The following CTSL variants were observed in gnomAD, a reference collection of about 807,000 sequenced individuals.
CTSL encodes cathepsin L.
CTSL carries 23 observed loss-of-function variants against 34.7 expected under a neutral mutation model. The observed-to-expected ratio is 0.66, with a 90% confidence interval of 0.48 to 0.94. The LOEUF is 0.94. Ranked by LOEUF, CTSL falls within the 40% of genes least tolerant of loss-of-function variation. The pLI is 0.00. For synonymous variants in CTSL, 129 were observed against 136.7 expected, an observed-to-expected ratio of 0.94 and a Z score of 0.39; for missense variants, 361 against 406.3, an observed-to-expected ratio of 0.89 and a Z score of 0.96.
intron 6 of CTSL, 44 bp downstream of exon 6, chr9:87,729,779 A>G (rs1308831660): frequency 6.4e-7 from 1 of 1,565,758 alleles, no homozygotes; most frequent in East Asian, 2.2e-5. Context: ...GAAAAAGAGT[A>G]TCATGACATA....
chr9:87,730,130 A>G (rs937094100), intron 6 of CTSL, among the ~76,000 whole-genome samples: 6 of 152,212 alleles, frequency 3.9e-5, no homozygotes, highest in Non-Finnish European at 7.3e-5. Context: ...TAGAATTACA[A>G]GCTTACAAAG....
intron 7 of CTSL, 109 bp downstream of exon 7, chr9:87,730,607 C>T: frequency 1.4e-6 from 1 of 722,830 alleles, no homozygotes; most frequent in East Asian, 2.7e-5. Context: ...CTGAAATCCC[C>T]AGAAGTCTAA....
intron 1 of CTSL, among the ~76,000 whole-genome samples, 181 bp from the exon 2 acceptor site, chr9:87,727,413 C>T (rs1365427963): frequency 6.6e-6 from 1 of 152,200 alleles, no homozygotes; most frequent in Non-Finnish European, 1.5e-5. Flanking sequence ...CATCCAGTAC[C>T]TCCACGTGCC....
At chr9:87,727,535 C>A in intron 1 of CTSL, 59 bp from the exon 2 acceptor site, 2 of 1,542,792 alleles carry the variant, frequency 1.3e-6, no homozygotes, top group Non-Finnish European at 8.9e-7. Flanking sequence ...TTTCAGGGGG[C>A]AGTAAGATGG....
chr9:87,729,585 A>C lies in CTSL; in HGVS notation c.634A>C (p.Lys212Gln). ...TTACCTTTGAAAGGAAGAATCCTGT[A>C]AGTACAATCCCAAGTATTCTGTTGC... Reference protein sequence around the residue: ...YPYEATEESCKYNPKYSVAND... With the variant: ...YPYEATEESCQYNPKYSVAND... The change falls in exon 6 of 8, where the codon AAG (lysine) becomes CAG (glutamine). Residue 212 changes from lysine (K) to glutamine (Q), a missense_variant. Physicochemically the swap from Lys to Gln is moderately conservative, Grantham distance 53 (BLOSUM62 1). Transcript: ENST00000343150. 1.2e-6 allele frequency: 2 copies of C among 1,613,846 alleles called. No individual in the cohort carries two copies. Among genetic ancestry groups the C allele is most frequent in the South Asian group, 2.2e-5 (2 of 90,930 alleles).
chr9:87,726,443 G>C (rs894869874), intron 1 of CTSL, 45 bp downstream of exon 1: 1 of 152,396 alleles, frequency 6.6e-6, no homozygotes, highest in African/African-American at 2.4e-5. Flanking sequence ...GCCTGGCCCG[G>C]CCAGACAGGG....
rs367546022 is a variant in CTSL at position 87,728,088 on chromosome 9, A to G, written c.188A>G (p.Asn63Ser). ...AACATGAAGATGATTGAACTGCACAATCAGGAATACAGGGAAGGGAAACAC... is the reference window on the plus strand; with the variant it reads ...AACATGAAGATGATTGAACTGCACAGTCAGGAATACAGGGAAGGGAAACAC... ...EKNMKMIELH[N>S]QEYREGKHSF... is the part of the protein sequence containing the mutation. The change falls in exon 3 of 8, where the codon AAT (asparagine) becomes AGT (serine). Residue 63 changes from asparagine to serine, a missense_variant. Transcript: ENST00000343150. 38 of 1,613,958 alleles carry G rather than the reference A, an allele frequency of 2.4e-5. No individual in the cohort carries two copies. Among genetic ancestry groups the G allele is most frequent in the Non-Finnish European group, 3.1e-5 (36 of 1,179,942 alleles).
In CTSL at chr9:87,727,658, C is replaced by CT. The variant is rs1476701681; in HGVS notation, c.56dup (p.Thr20AsnfsTer3). 6 of 1,613,950 alleles carry CT rather than the reference C, an allele frequency of 3.7e-6. No homozygotes were observed. The highest frequency in any genetic ancestry group is 4.5e-5 in the East Asian group (2 of 44,884). On this transcript the variant is annotated frameshift_variant, in exon 2 of 8. Coordinates refer to ENST00000343150, the MANE Select transcript of CTSL (RefSeq NM_001912.5). LOFTEE classifies it high-confidence loss of function. Reference sequence around the variant, plus strand: ...TTGCCTGGGAATTGCCTCAGCTACTCTAACATTTGATCACAGTTTAGAGGC... The same window carrying CT: ...TTGCCTGGGAATTGCCTCAGCTACTCTTAACATTTGATCACAGTTTAGAGGC...
chr9:87,728,779 C>T lies in CTSL; in HGVS notation c.591C>T (p.Asp197=). The change falls in exon 5 of 8, where the codon GAC becomes GAT. Residue 197 remains aspartate (D), a synonymous_variant. Coordinates refer to ENST00000343150, the MANE Select transcript of CTSL (RefSeq NM_001912.5). ...FQYVQDNGGL[D]SEESYPYEAT... is the part of the protein sequence containing the mutation. Reference sequence around the variant, plus strand: ...ATGTTCAGGATAATGGAGGCCTGGACTCTGAGGAATCCTATCCATATGAGG... The same window carrying T: ...ATGTTCAGGATAATGGAGGCCTGGATTCTGAGGAATCCTATCCATATGAGG... 1.2e-6 allele frequency: 2 copies of T among 1,614,188 alleles called. No individual in the cohort carries two copies. The highest frequency in any genetic ancestry group is 1.7e-6 in the Non-Finnish European group (2 of 1,180,052).
intron 1 of CTSL, among the ~76,000 whole-genome samples, 172 bp from the exon 2 acceptor site, chr9:87,727,422 C>T (rs1232896571): frequency 1.3e-5 from 2 of 152,166 alleles, no homozygotes; most frequent in South Asian, 2.1e-4. Flanking sequence ...CCTCCACGTG[C>T]CCTGTTTTTC....
intron 2 of CTSL, 134 bp from the exon 3 acceptor site, chr9:87,727,893 G>C: frequency 7.0e-7 from 1 of 1,434,032 alleles, no homozygotes; most frequent in East Asian, 2.3e-5. Context: ...TCAGTTTGGA[G>C]AACAGCATCC....
At chr9:87,727,014 G>T (rs915013033) in intron 1 of CTSL, among the ~76,000 whole-genome samples, 20 of 151,526 alleles carry the variant, frequency 1.3e-4, no homozygotes, top group African/African-American at 4.6e-4. Context: ...ACTCCAGCCT[G>T]GGCCACAGAG....
chr9:87,729,706 G>A lies in CTSL; in HGVS notation c.755G>A (p.Gly252Asp), dbSNP rs774766552. The A allele has an allele frequency of 1.9e-6, 3 of 1,612,910 alleles. No individual in the cohort carries two copies. Among genetic ancestry groups the A allele is most frequent in the Non-Finnish European group, 1.7e-6 (2 of 1,179,768 alleles). ...CCCATTTCTGTTGCTATTGATGCAGGTCATGAGTCCTTCCTGTTCTATAAA... is the reference window on the plus strand; with the variant it reads ...CCCATTTCTGTTGCTATTGATGCAGATCATGAGTCCTTCCTGTTCTATAAA... ...VGPISVAIDA[G>D]HESFLFYKEG... Residue 252 changes from glycine (G) to aspartate (D), a missense_variant, in exon 6 of 8, where the codon GGT (glycine) becomes GAT (aspartate). Transcript: ENST00000343150.
rs373249314 is a variant in CTSL at position 87,731,147 on chromosome 9, G to A, written c.*40G>A. The A allele has an allele frequency of 2.0e-6, 3 of 1,493,712 alleles. No individual in the cohort carries two copies. The highest frequency in any genetic ancestry group is 1.9e-6 in the Non-Finnish European group (2 of 1,072,668). The allele number at this position is 1,493,712 out of a possible 1,614,324, so 92.5% of individuals were successfully genotyped here. A position where few individuals can be genotyped will look rare whatever the true frequency, so the allele number is the denominator to read the frequency against. On this transcript the variant is annotated 3_prime_UTR_variant, in exon 8 of 8. Coordinates refer to ENST00000343150, the MANE Select transcript of CTSL (RefSeq NM_001912.5). ...ATGAGGAAGGACTTGACTGGGGATG[G>A]CGCATGCATGGGAGGAATTCATCTT...
At chr9:87,729,513 A>C (rs1185338072) in intron 5 of CTSL, 60 bp from the exon 6 acceptor site, 4 of 1,477,276 alleles carry the variant, frequency 2.7e-6, no homozygotes, top group African/African-American at 1.4e-5. Context: ...GTTCTAACTC[A>C]TGTTCTCCAG....
rs540351805 is a variant in CTSL, at chr9:87,727,345, G to A, written c.-10-249G>A. Among the ~76,000 whole-genome samples the A allele has an allele frequency of 1.8e-4, 27 of 152,134 alleles. No individual in the cohort carries two copies. The South Asian group carries it at 2.3e-3, about 13-fold the overall frequency. ...CGTTCTCATAACCTAAATTGTCATC[G>A]CATAAACTGTTTCAGCTCCTACAGC... On this transcript the variant is annotated intron_variant, in intron 1 of 7. Coordinates refer to ENST00000343150, the MANE Select transcript of CTSL (RefSeq NM_001912.5).
rs1564089116 is a variant in CTSL, at chr9:87,728,070, A to G, written c.170A>G (p.Lys57Arg). Residue 57 changes from lysine to arginine, a missense_variant, in exon 3 of 8, where the codon AAG (lysine) becomes AGG (arginine). Transcript: ENST00000343150. The stretch of plus-strand genomic sequence containing the variant: ...AGAGCAGTGTGGGAGAAGAACATGA[A>G]GATGATTGAACTGCACAATCAGGAA... The part of the protein sequence containing the change: ...WRRAVWEKNM[K>R]MIELHNQEYR... The G allele has an allele frequency of 6.2e-7, 1 of 1,613,998 alleles. No homozygotes were observed. Among genetic ancestry groups the G allele is most frequent in the East Asian group, 2.2e-5 (1 of 44,880 alleles).
intron 3 of CTSL, 47 bp from the exon 4 acceptor site, chr9:87,728,203 T>G: frequency 6.2e-7 from 1 of 1,614,170 alleles, no homozygotes; most frequent in Non-Finnish European, 8.5e-7. Context: ...GGTTCTTTAC[T>G]AAGGTAATCT....
chr9:87,729,067 T>C, intron 5 of CTSL: 1 of 950,174 alleles, frequency 1.1e-6, no homozygotes, highest in Non-Finnish European at 1.5e-6. Context: ...TGTGCGTCTG[T>C]GGTCCCAGCT....
Sources: allele counts gnomAD v4.1 joint callset (sites outside exome capture counted in the v4.1 genomes callset), GRCh38; gene constraint gnomAD v4.1.1; transcripts MANE v1.5; gene names NCBI Gene and HGNC (gene_info 2026-07-23, HGNC 2026-07-21).